The following PKHD1 variants were observed in gnomAD, a reference collection of about 807,000 sequenced individuals.
The protein encoded by PKHD1 is PKHD1 ciliary IPT domain containing fibrocystin/polyductin, also known as fibrocystin.
Under a neutral mutation model 412.0 loss-of-function variants are expected in PKHD1, and 291 were observed. The ratio of observed to expected loss-of-function variants is 0.71; its 90% CI spans 0.64 to 0.78. The LOEUF (loss-of-function observed/expected upper bound fraction) is 0.78. PKHD1 is among the 30% of genes least tolerant of loss of function. The pLI is 0.00. For missense variants in PKHD1, 4,825 were observed against 4,950.7 expected, an observed-to-expected ratio of 0.97 and a Z score of 0.76; for synonymous variants, 1,777 against 1,821.5, an observed-to-expected ratio of 0.98 and a Z score of 0.62.
chr6:51,964,893 G>T (rs557943517), intron 35 of PKHD1, among the ~76,000 whole-genome samples: 26 of 152,146 alleles, frequency 1.7e-4, no homozygotes, highest in Non-Finnish European at 3.2e-4. Flanking sequence ...TTTTATATCT[G>T]CATGTTACTC....
At chr6:51,743,292 G>A (rs1034229108) in intron 60 of PKHD1, among the ~76,000 whole-genome samples, 4 of 152,160 alleles carry the variant, frequency 2.6e-5, no homozygotes, top group African/African-American at 9.7e-5. Context: ...TGGAGGAAAT[G>A]AGAAGTTTGA....
intron 13 of PKHD1, among the ~76,000 whole-genome samples, chr6:52,063,680 C>G (rs532612295): frequency 2.0e-5 from 3 of 152,312 alleles, no homozygotes; most frequent in African/African-American, 7.2e-5. Flanking sequence ...TAGCAGCCTT[C>G]CCAGCCTCAG....
Position 51,868,091 on chromosome 6 carries a change from G to C in PKHD1, c.7505C>G (p.Thr2502Ser), listed in dbSNP as rs771072100. 1.9e-6 allele frequency: 3 copies of C among 1,611,702 alleles called. No individual in the cohort carries two copies. In the South Asian group the frequency reaches 3.3e-5, roughly 18 times the overall value. ...AGAGTTTGTAAACTTCAACTGGCTG[G>C]TCTTCACAGTAAATCCACCTATAAA... is the stretch of plus-strand genomic sequence containing the variant. ...SQGQGGFTVKTSQLKFTNSSN... is the reference protein window; with the variant it reads ...SQGQGGFTVKSSQLKFTNSSN... The change falls in exon 48 of 67, where the codon ACC becomes AGC. Residue 2502 changes from threonine to serine, a missense_variant. Physicochemically the swap from Thr to Ser is moderately conservative, Grantham distance 58. Coordinates refer to ENST00000371117, the MANE Select transcript of PKHD1 (RefSeq NM_138694.4).
chr6:51,844,982 T>A (rs1770895160), intron 50 of PKHD1, among the ~76,000 whole-genome samples: 1 of 152,214 alleles, frequency 6.6e-6, no homozygotes, highest in Non-Finnish European at 1.5e-5. Context: ...TCTGCATAGA[T>A]TAAATGTATT....
rs1775825686 is a variant in PKHD1, at chr6:51,870,622, T to A, written c.7368A>T (p.Ser2456=). The A allele has an allele frequency of 6.2e-7, 1 of 1,610,274 alleles. No individual in the cohort carries two copies. The highest frequency in any genetic ancestry group is 1.3e-5 in the African/African-American group (1 of 74,832). ...ATCTTTTAGGAGTTTTAATCCCAGA[T>A]GACATACACAGACTTCCCTGTGATT... is the stretch of plus-strand genomic sequence containing the variant. ...HFAHKGSLCM[S]SGIKTPKRWE... is the part of the protein sequence containing the mutation. Residue 2456 remains serine, a synonymous_variant, in exon 47 of 67, where the codon TCA becomes TCT. Transcript: ENST00000371117.
At chr6:51,971,588 C>T (rs1793673867) in intron 35 of PKHD1, among the ~76,000 whole-genome samples, 1 of 152,142 alleles carries the variant, frequency 6.6e-6, no homozygotes. Flanking sequence ...TATGTAGTCA[C>T]CAATACTTAC....
chr6:51,893,014 G>A (rs536460550), intron 43 of PKHD1, among the ~76,000 whole-genome samples: 3 of 152,276 alleles, frequency 2.0e-5, no homozygotes, highest in African/African-American at 7.2e-5. Context: ...TTCTCTAGGT[G>A]TGTCTCTCTA....
intron 37 of PKHD1, among the ~76,000 whole-genome samples, chr6:51,929,817 G>A (rs1786294872): frequency 6.6e-6 from 1 of 152,104 alleles, no homozygotes; most frequent in African/African-American, 2.4e-5. Flanking sequence ...CCCACATACT[G>A]CTTTTTCTCA....
At chr6:51,891,263 T>C (rs574406065) in intron 43 of PKHD1, among the ~76,000 whole-genome samples, 12 of 152,044 alleles carry the variant, frequency 7.9e-5, no homozygotes, top group African/African-American at 2.7e-4. Context: ...TTTTGGGGTT[T>C]TGTTTTTTTG....
intron 60 of PKHD1, among the ~76,000 whole-genome samples, chr6:51,724,379 C>T (rs1398801511): frequency 2.0e-5 from 3 of 152,154 alleles, no homozygotes; most frequent in Non-Finnish European, 4.4e-5. Context: ...CCACTCTTTC[C>T]TATAAAGAAG....
In PKHD1 at chr6:51,871,768, T is replaced by C. The variant is rs140141191; in HGVS notation, c.7351-1129A>G. 4.5e-3 allele frequency among the ~76,000 whole-genome samples: 536 copies of C among 119,010 alleles called. 116 individuals carry two copies. The highest frequency in any genetic ancestry group is 0.013 in the African/African-American group (476 of 36,720). 78.1% of individuals were successfully genotyped at this position (119,010 alleles called of 152,430 possible). A position where few individuals can be genotyped will look rare whatever the true frequency, so the allele number is the denominator to read the frequency against. On this transcript the variant is annotated intron_variant, in intron 46 of 66. Transcript: ENST00000371117. ...AATCTCTTTGACAAACACTATCCAA[T>C]CAAGCTGCTAGTGCCTCACTGTTCC...
intron 52 of PKHD1, among the ~76,000 whole-genome samples, chr6:51,791,721 T>A (rs959144159): frequency 1.3e-5 from 2 of 152,204 alleles, no homozygotes; most frequent in African/African-American, 4.8e-5. Context: ...TTCAGGGATG[T>A]ACAGAACAGT....
chr6:51,981,426 G>C (rs1431164315), intron 35 of PKHD1, among the ~76,000 whole-genome samples: 1 of 149,756 alleles, frequency 6.7e-6, no homozygotes, highest in Non-Finnish European at 1.5e-5. Flanking sequence ...CTGCCATCTC[G>C]GCTCACTGCA....
intron 60 of PKHD1, among the ~76,000 whole-genome samples, chr6:51,711,917 G>T (rs1433563857): frequency 1.3e-5 from 2 of 152,138 alleles, no homozygotes; most frequent in East Asian, 3.9e-4. Flanking sequence ...TTGCATTTGA[G>T]CAACCTACAT....
chr6:52,070,917 T>C, intron 9 of PKHD1, 89 bp downstream of exon 9: 2 of 812,020 alleles, frequency 2.5e-6, no homozygotes, highest in East Asian at 2.4e-5. Flanking sequence ...ATTATTATCC[T>C]CATGAGAACC....
intron 35 of PKHD1, among the ~76,000 whole-genome samples, chr6:51,988,248 A>C (rs971393108): frequency 1.1e-4 from 17 of 152,316 alleles, no homozygotes; most frequent in African/African-American, 4.1e-4. Flanking sequence ...TTAATAAGCT[A>C]TACACTTAAG....
intron 35 of PKHD1, among the ~76,000 whole-genome samples, chr6:51,982,999 G>A (rs1562055470): frequency 6.6e-6 from 1 of 151,948 alleles, no homozygotes; most frequent in African/African-American, 2.4e-5. Context: ...CATTGCTTAA[G>A]CAGGGCCCAG....
intron 11 of PKHD1, among the ~76,000 whole-genome samples, chr6:52,066,331 C>T (rs1356159790): frequency 6.6e-6 from 1 of 152,104 alleles, no homozygotes; most frequent in African/African-American, 2.4e-5. Context: ...TCAGCAAAAG[C>T]CCCTAGTACC....
chr6:51,815,243 A>G (rs144155401), intron 52 of PKHD1, among the ~76,000 whole-genome samples: 42 of 152,366 alleles, frequency 2.8e-4, no homozygotes, highest in African/African-American at 1.0e-3. Flanking sequence ...CATTAGAGAT[A>G]TAAAAAGTCA....
Sources: allele counts gnomAD v4.1 joint callset (sites outside exome capture counted in the v4.1 genomes callset), GRCh38; gene constraint gnomAD v4.1.1; transcripts MANE v1.5; gene names NCBI Gene and HGNC (gene_info 2026-07-23, HGNC 2026-07-21).